The following PRH1 variants were observed in gnomAD, a reference collection of about 807,000 sequenced individuals.
PRH1 encodes proline rich protein HaeIII subfamily 1, also known as salivary acidic proline-rich phosphoprotein 1/2.
A neutral mutation model predicts 7.9 loss-of-function variants in PRH1; 7 were observed. The observed-to-expected ratio is 0.89, with a 90% CI of 0.50 to 1.67. The LOEUF (loss-of-function observed/expected upper bound fraction) is 1.67. PRH1 is among the 40% of genes most tolerant of loss of function. PRH1 has a pLI of 0.00. For synonymous variants in PRH1, 45 were observed against 80.8 expected (o/e 0.56, Z 2.38); for missense variants, 109 against 223.6 (o/e 0.49, Z 3.27).
chr12:10,886,920 C>T (rs1295780862), upstream of PRH1, among the ~76,000 whole-genome samples: 1 of 152,202 alleles, frequency 6.6e-6, no homozygotes, highest in Non-Finnish European at 1.5e-5. Context: ...GAGGACTTTA[C>T]CAGCCTCCAG....
In PRH1 at chr12:11,088,675, C is replaced by T. The variant is rs1380709428; in HGVS notation, n.124-41487G>A. ...CACATTTGAGAATATAGCTCTGACT[C>T]ATTAATGAAGTTTCCCAGGCTACTG... On this transcript the variant is annotated intron_variant and non_coding_transcript_variant, in intron 1 of 4. Coordinates refer to the PRH1 transcript ENST00000541977. Among the ~76,000 whole-genome samples the T allele has an allele frequency of 6.2e-5, 7 of 113,538 alleles. 1 individual carries two copies. Among genetic ancestry groups the T allele is most frequent in the Non-Finnish European group, 1.4e-4 (7 of 48,360 alleles). The allele number at this position is 113,538 out of a possible 152,430, so 74.5% of individuals were successfully genotyped here.
At chr12:10,924,950 C>G (rs1950104555) in intron 2 of PRH1, among the ~76,000 whole-genome samples, 1 of 152,060 alleles carries the variant, frequency 6.6e-6, no homozygotes, top group African/African-American at 2.4e-5. Context: ...TTCAAAAAAA[C>G]CAACTCCTGG....
chr12:11,037,366 C>A (rs755820857), intron 1 of PRH1, among the ~76,000 whole-genome samples: 1 of 152,128 alleles, frequency 6.6e-6, no homozygotes, highest in Non-Finnish European at 1.5e-5. Flanking sequence ...ATGTTTTATA[C>A]GTTAAAAAAT....
chr12:10,907,410 T>C (rs1169607869), intron 2 of PRH1, among the ~76,000 whole-genome samples: 7 of 152,058 alleles, frequency 4.6e-5, no homozygotes, highest in African/African-American at 1.7e-4. Flanking sequence ...GGAACACTGC[T>C]CAGGAACAAA....
chr12:10,943,194 T>G (rs1303887272), intron 2 of PRH1, among the ~76,000 whole-genome samples: 6 of 152,166 alleles, frequency 3.9e-5, no homozygotes, highest in Non-Finnish European at 7.4e-5. Flanking sequence ...TCTTTCCAAG[T>G]CAGAACTGCA....
At chr12:11,073,837 G>C (rs1944185926) in intron 1 of PRH1, among the ~76,000 whole-genome samples, 1 of 152,184 alleles carries the variant, frequency 6.6e-6, no homozygotes, top group South Asian at 2.1e-4. Flanking sequence ...AGAGGAGAAA[G>C]CAAACCCCTA....
At chr12:11,004,297 C>A (rs1278818751) in intron 1 of PRH1, among the ~76,000 whole-genome samples, 1 of 152,020 alleles carries the variant, frequency 6.6e-6, no homozygotes, top group Non-Finnish European at 1.5e-5. Context: ...GAGTTCAAGG[C>A]CAGCCTGGCC....
chr12:10,926,393 A>G (rs1459461988), intron 2 of PRH1, among the ~76,000 whole-genome samples: 2 of 152,178 alleles, frequency 1.3e-5, no homozygotes, highest in African/African-American at 4.8e-5. Context: ...AGAAGATCCT[A>G]CTTTATATTC....
intron 1 of PRH1, among the ~76,000 whole-genome samples, chr12:11,075,154 A>G (rs200783043): frequency 0.38 from 32,339 of 86,122 alleles, 4,271 homozygotes; most frequent in Non-Finnish European, 0.48. Flanking sequence ...TTTTCCATGC[A>G]TTTATAATAT....
intron 2 of PRH1, among the ~76,000 whole-genome samples, chr12:10,919,260 G>C (rs904175941): frequency 6.6e-6 from 1 of 152,062 alleles, no homozygotes; most frequent in Non-Finnish European, 1.5e-5. Flanking sequence ...CAATATATTT[G>C]TAAACAAAAA....
At chr12:11,018,080 G>C (rs1434619902) in intron 1 of PRH1, among the ~76,000 whole-genome samples, 3 of 136,992 alleles carry the variant, frequency 2.2e-5, no homozygotes, top group Admixed American at 1.5e-4. Flanking sequence ...CAACCTGCTC[G>C]GCCCATTGTG....
At chr12:11,078,175 GA>G in intron 1 of PRH1, 1 of 528,010 alleles carries the variant, frequency 1.9e-6, no homozygotes, top group Non-Finnish European at 3.7e-6. Flanking sequence ...GAAGCCATTG[GA>G]AAAATTTCCA....
intron 1 of PRH1, among the ~76,000 whole-genome samples, chr12:11,155,414 A>G (rs1947222180): frequency 6.6e-6 from 1 of 152,240 alleles, no homozygotes. Flanking sequence ...TTTCTAGAAC[A>G]TTAGAAACCA....
intron 1 of PRH1, among the ~76,000 whole-genome samples, chr12:11,086,260 T>A (rs75704514): frequency 0.51 from 63,315 of 125,112 alleles, 11,760 homozygotes; most frequent in Non-Finnish European, 0.59. Context: ...AGTTTTTCTC[T>A]TGAGTCTAAT....
chr12:11,046,278 T>C (rs1942894783), intron 1 of PRH1, among the ~76,000 whole-genome samples: 1 of 152,184 alleles, frequency 6.6e-6, no homozygotes. Flanking sequence ...GCTATCTCTG[T>C]CTTCACTGTG....
chr12:11,091,297 A>T, intron 1 of PRH1: 1 of 1,199,806 alleles, frequency 8.3e-7, no homozygotes, highest in East Asian at 2.4e-5. Context: ...CCCTCTCGTG[A>T]ATCTATGGAG....
intron 2 of PRH1, among the ~76,000 whole-genome samples, chr12:10,960,043 G>GC (rs1390098998): frequency 1.3e-5 from 2 of 152,170 alleles, no homozygotes; most frequent in Non-Finnish European, 2.9e-5. Flanking sequence ...TTGGCAACAC[G>GC]CACTCACTGG....
intron 2 of PRH1, among the ~76,000 whole-genome samples, chr12:10,966,065 A>G (rs1785227602): frequency 6.6e-6 from 1 of 152,146 alleles, no homozygotes; most frequent in Non-Finnish European, 1.5e-5. Context: ...CTTTTAAAAT[A>G]ATTTCCAAAA....
chr12:11,007,901 G>A (rs1940900391), intron 1 of PRH1, among the ~76,000 whole-genome samples: 1 of 152,076 alleles, frequency 6.6e-6, no homozygotes, highest in Non-Finnish European at 1.5e-5. Context: ...TAGGAAAATG[G>A]AATCTAAAGA....
Sources: gnomAD v4.1 joint callset for allele counts (sites outside exome capture counted in the v4.1 genomes callset) on GRCh38, gnomAD v4.1.1 for gene constraint, MANE v1.5 for transcripts, NCBI Gene and HGNC (gene_info 2026-07-23, HGNC 2026-07-21) for gene names.